GON4L: variants seen among roughly 807,000 people sequenced by gnomAD.
GON4L encodes GON-4-like protein.
Under a neutral mutation model 211.8 loss-of-function variants are expected in GON4L, and 87 were observed. The observed-to-expected ratio is 0.41, with a 90% CI of 0.35 to 0.49. The LOEUF is 0.49. Ranked by LOEUF, GON4L falls within the 20% of genes least tolerant of loss-of-function variation. The pLI is 0.15. For missense variants in GON4L, 2,155 were observed against 2,659.5 expected, an observed-to-expected ratio of 0.81 and a Z score of 4.17; for synonymous variants, 875 against 962.6, an observed-to-expected ratio of 0.91 and a Z score of 1.68.
At chr1:155,832,062 A>G (rs1399603899) in intron 2 of GON4L, among the ~76,000 whole-genome samples, 1 of 151,782 alleles carries the variant, frequency 6.6e-6, no homozygotes, top group Non-Finnish European at 1.5e-5. Flanking sequence ...ATCACTTGAG[A>G]TCAGGAGTTC....
intron 13 of GON4L, 89 bp downstream of exon 13, chr1:155,785,245 C>T (rs761827635): frequency 2.3e-6 from 2 of 860,450 alleles, no homozygotes; most frequent in Non-Finnish European, 4.1e-6. Context: ...ACCCCCTCTC[C>T]TAGAGGGAGC....
At chr1:155,816,359 A>C in intron 6 of GON4L, 97 bp from the exon 7 acceptor site, 1 of 679,738 alleles carries the variant, frequency 1.5e-6, no homozygotes, top group South Asian at 1.6e-5. Context: ...CCATATACTT[A>C]ACAAGTAACT....
At chr1:155,782,664 ATTTATTTTAT>A (rs199513143) in intron 14 of GON4L, among the ~76,000 whole-genome samples, 2 of 151,882 alleles carry the variant, frequency 1.3e-5, no homozygotes, top group African/African-American at 4.8e-5. Context: ...TACAAATTTT[ATTTATTTTAT>A]TTTATTTTAT....
rs1371503967 is a variant in GON4L, at chr1:155,766,195, G to A, written c.3278C>T (p.Ser1093Phe). The change falls in exon 21 of 32, where the codon TCT becomes TTT. Residue 1093 changes from serine (S) to phenylalanine (F), a missense_variant. This residue lies in a region of GON4L where 615 missense variants were observed against 625.7 expected (regional missense o/e 0.98). Transcript: ENST00000368331. ...CATTACCTTGGGCACAGGGGCAGAA[G>A]AGAGCAAAGTCTGGGACTCAGACAG... ...FPLSESQTLL[S>F]SAPVPKVMLP... is the part of the protein sequence containing the mutation. 6.2e-7 allele frequency: 1 copy of A among 1,614,156 alleles called. No homozygotes were observed. Among genetic ancestry groups the A allele is most frequent in the South Asian group, 1.1e-5 (1 of 91,078 alleles).
chr1:155,748,722 C>T, downstream of GON4L: 1 of 1,614,116 alleles, frequency 6.2e-7, no homozygotes, highest in Admixed American at 1.7e-5. Flanking sequence ...ATGTGGGGAG[C>T]CTTCTGGAAC....
At chr1:155,838,103 C>CAA (rs34713220) in intron 2 of GON4L, among the ~76,000 whole-genome samples, 4 of 151,366 alleles carry the variant, frequency 2.6e-5, no homozygotes, top group Non-Finnish European at 5.9e-5. Flanking sequence ...TAAAACAAAA[C>CAA]AAAAAAAATT....
chr1:155,845,814 C>T lies in GON4L; in HGVS notation c.505+7462G>A, dbSNP rs139101186. On this transcript the variant is annotated intron_variant, in intron 2 of 31. Transcript: ENST00000368331. ...GTAGAAGTCTATGAAGATGGAACTT[C>T]AGCCTTGAAAACATTTGAGCATGTG... is the stretch of plus-strand genomic sequence containing the variant. The T allele has an allele frequency of 1.7e-4, 43 of 248,736 alleles. No individual in the cohort carries two copies. The East Asian group carries it at 4.5e-3, about 26-fold the overall frequency. 15.4% of individuals were successfully genotyped at this position (248,736 alleles called of 1,614,324 possible).
chr1:155,806,628 A>G (rs1667151727), intron 10 of GON4L, among the ~76,000 whole-genome samples: 1 of 151,996 alleles, frequency 6.6e-6, no homozygotes, highest in Non-Finnish European at 1.5e-5. Flanking sequence ...AGTCAGGAGA[A>G]TTGCTTGGGT....
At chr1:155,833,573 G>A (rs1187386660) in intron 2 of GON4L, among the ~76,000 whole-genome samples, 2 of 142,914 alleles carry the variant, frequency 1.4e-5, no homozygotes, top group African/African-American at 2.6e-5. Flanking sequence ...GTGAACCCGG[G>A]AGGTGGAGCT....
At chr1:155,852,716 C>G (rs1324165168) in intron 2 of GON4L, among the ~76,000 whole-genome samples, 1 of 152,104 alleles carries the variant, frequency 6.6e-6, no homozygotes, top group Non-Finnish European at 1.5e-5. Context: ...GCACCCTGGC[C>G]TGGGTGACAG....
chr1:155,751,987 G>A lies in GON4L; in HGVS notation c.6446C>T (p.Thr2149Ile). 6.2e-7 allele frequency: 1 copy of A among 1,612,442 alleles called. No homozygotes were observed. The change falls in exon 30 of 32, where the codon ACT (threonine) becomes ATT (isoleucine). Residue 2149 changes from threonine (T) to isoleucine (I), a missense_variant. Physicochemically the swap from Thr to Ile is moderately conservative, Grantham distance 89. Around this residue, in one of 6 missense-constraint regions of GON4L, gnomAD observed 186 missense variants for 308.1 expected, o/e 0.60. Coordinates refer to ENST00000368331, the MANE Select transcript of GON4L (RefSeq NM_001282860.2). ...VCANNSKVSSTGEKVVLWTRE... is the reference protein window; with the variant it reads ...VCANNSKVSSIGEKVVLWTRE... ...TGTCCACAGGACAACCTTTTCCCCA[G>A]TGGAGCTGACCTTGCTGTTGTTGGC... is the stretch of plus-strand genomic sequence containing the variant.
chr1:155,857,720 C>T (rs1672405961), upstream of GON4L, among the ~76,000 whole-genome samples: 1 of 77,850 alleles, frequency 1.3e-5, no homozygotes, highest in South Asian at 6.4e-4. Flanking sequence ...CAGTGAGACT[C>T]TGTATCAAAA....
In GON4L at chr1:155,765,551, CCT is replaced by C. The variant is rs1662364275; in HGVS notation, c.3920_3921del (p.Gln1307ArgfsTer23). The C allele has an allele frequency of 6.2e-7, 1 of 1,614,020 alleles. No homozygotes were observed. The highest frequency in any genetic ancestry group is 1.7e-5 in the Admixed American group (1 of 59,994). On this transcript the variant is annotated frameshift_variant, in exon 21 of 32. Coordinates refer to ENST00000368331, the MANE Select transcript of GON4L (RefSeq NM_001282860.2). LOFTEE classifies it high-confidence loss of function. ...EGRQALEPLP[Q>X]GIQESLNNPT... ...GGGTTGTTTAGAGACTCCTGGATGC[CCT>C]GAGGGAGCGGCTCCAGAGCTTGCCT...
In GON4L at chr1:155,759,839, G is replaced by C. The variant is rs566427944; in HGVS notation, c.5109+605C>G. ...ACCACAGTGGCCTTCCCAGACCGCT[G>C]TGTATAAAACCACCCCTCTAGTTTC... On this transcript the variant is annotated intron_variant, in intron 24 of 31. Coordinates refer to ENST00000368331, the MANE Select transcript of GON4L (RefSeq NM_001282860.2). 5.7e-4 allele frequency among the ~76,000 whole-genome samples: 87 copies of C among 151,432 alleles called. 2 individuals are homozygous for C. The South Asian group carries it at 0.018, about 32-fold the overall frequency.
chr1:155,766,042 A>G lies in GON4L; in HGVS notation c.3431T>C (p.Ile1144Thr), dbSNP rs768563523. The G allele has an allele frequency of 8.7e-6, 14 of 1,614,092 alleles. No individual in the cohort carries two copies. The highest frequency in any genetic ancestry group is 1.1e-5 in the South Asian group (1 of 91,092). ...APVIHHPASV[I>T]FTVPATTVKI... ...CACAGTGGTAGCAGGAACAGTGAAG[A>G]TAACAGATGCAGGGTGGTGGATAAC... The change falls in exon 21 of 32, where the codon ATC (isoleucine) becomes ACC (threonine). Residue 1144 changes from isoleucine (I) to threonine (T), a missense_variant. Physicochemically the swap from Ile to Thr is moderately conservative, Grantham distance 89. Coordinates refer to ENST00000368331, the MANE Select transcript of GON4L (RefSeq NM_001282860.2).
intron 24 of GON4L, among the ~76,000 whole-genome samples, chr1:155,759,001 CTTT>C (rs1017923482): frequency 1.3e-5 from 2 of 151,456 alleles, no homozygotes; most frequent in African/African-American, 4.9e-5. Context: ...TTGTCTCTCT[CTTT>C]TTTGTTTTTG....
intron 3 of GON4L, among the ~76,000 whole-genome samples, chr1:155,824,434 CAAAA>C (rs769823401): frequency 1.3e-4 from 1 of 7,438 alleles, no homozygotes; most frequent in Admixed American, 1.7e-3. Context: ...AACTCCACAT[CAAAA>C]AAAAAAAAAA....
At chr1:155,822,581 G>A in intron 3 of GON4L, 105 bp from the exon 4 acceptor site, 1 of 826,358 alleles carries the variant, frequency 1.2e-6, no homozygotes, top group Non-Finnish European at 2.1e-6. Context: ...GCATTATGCT[G>A]TGAAAGAAAC....
intron 10 of GON4L, among the ~76,000 whole-genome samples, chr1:155,809,790 TTA>T (rs895837051): frequency 1.7e-5 from 1 of 57,550 alleles, no homozygotes; most frequent in African/African-American, 5.8e-5. Context: ...AATTATATAC[TTA>T]TATATAATTA....
Sources: gnomAD v4.1 joint callset for allele counts (sites outside exome capture counted in the v4.1 genomes callset) on GRCh38, gnomAD v4.1.1 for gene constraint, gnomAD v4.1.1 regional missense constraint, MANE v1.5 for transcripts, NCBI Gene and HGNC (gene_info 2026-07-23, HGNC 2026-07-21) for gene names.